Variants in PLXNA2 observed in about 807,000 individuals in gnomAD.
PLXNA2 encodes plexin-A2.
PLXNA2 carries 91 observed loss-of-function variants against 193.5 expected under a neutral mutation model. The ratio of observed to expected loss-of-function variants is 0.47; its 90% CI spans 0.40 to 0.56. The LOEUF is 0.56. Ranked by LOEUF, PLXNA2 falls within the 20% of genes least tolerant of loss-of-function variation. The pLI is 0.00. For missense variants in PLXNA2, 1,995 were observed against 2,503.2 expected (o/e 0.80, Z 4.33); for synonymous variants, 997 against 1,027.3 (o/e 0.97, Z 0.56).
intron 1 of PLXNA2, among the ~76,000 whole-genome samples, chr1:208,237,501 G>A (rs116018201): frequency 0.06 from 9,081 of 152,290 alleles, 352 homozygotes; most frequent in Middle Eastern, 0.095. Flanking sequence ...TGGAGTCCTT[G>A]CCGTAGGATA....
chr1:208,062,487 G>A (rs562131862), intron 12 of PLXNA2, among the ~76,000 whole-genome samples: 4 of 152,210 alleles, frequency 2.6e-5, no homozygotes, highest in Admixed American at 6.5e-5. Flanking sequence ...CTGCAGAGCC[G>A]GGACTTGAAC....
intron 3 of PLXNA2, among the ~76,000 whole-genome samples, chr1:208,194,488 A>AG (rs1291484046): frequency 6.6e-6 from 1 of 151,992 alleles, no homozygotes; most frequent in African/African-American, 2.4e-5. Context: ...AAAGAAAGAA[A>AG]AAAAAAACAT....
At chr1:208,226,395 A>G (rs1476342907) in intron 1 of PLXNA2, among the ~76,000 whole-genome samples, 3 of 151,666 alleles carry the variant, frequency 2.0e-5, no homozygotes, top group Non-Finnish European at 4.4e-5. Context: ...AGCCCTGGAA[A>G]CCACACCAGC....
At chr1:208,079,804 G>A (rs533663144) in intron 11 of PLXNA2, among the ~76,000 whole-genome samples, 1 of 150,178 alleles carries the variant, frequency 6.7e-6, no homozygotes, top group Admixed American at 6.6e-5. Flanking sequence ...TTTTTGTGAG[G>A]TTGGAATAAG....
At chr1:208,199,552 G>T (rs767073476) in intron 3 of PLXNA2, among the ~76,000 whole-genome samples, 3 of 152,090 alleles carry the variant, frequency 2.0e-5, no homozygotes, top group Non-Finnish European at 4.4e-5. Context: ...TTAACTGGGC[G>T]TGGTGGCATG....
At chr1:208,079,229 C>T in intron 12 of PLXNA2, 31 bp downstream of exon 12, 1 of 1,574,722 alleles carries the variant, frequency 6.4e-7, no homozygotes, top group East Asian at 2.3e-5. Flanking sequence ...CTTGGCCACC[C>T]CTTCCTGCTC....
intron 3 of PLXNA2, among the ~76,000 whole-genome samples, chr1:208,175,041 T>C (rs1287439600): frequency 6.6e-6 from 1 of 152,160 alleles, no homozygotes; most frequent in Non-Finnish European, 1.5e-5. Flanking sequence ...TGTTAGGACT[T>C]TGCACACTAG....
At chr1:208,174,925 C>T (rs1669615783) in intron 3 of PLXNA2, among the ~76,000 whole-genome samples, 2 of 152,180 alleles carry the variant, frequency 1.3e-5, no homozygotes, top group Admixed American at 1.3e-4. Flanking sequence ...CAAGGGAAAT[C>T]GGATTTGGCC....
At position 208,211,550 on chromosome 1, in the gene PLXNA2, A is replaced by G. The variant is rs372115776; in HGVS notation, c.1189-1088T>C. On this transcript the variant is annotated intron_variant, in intron 2 of 31. Coordinates refer to ENST00000367033, the MANE Select transcript of PLXNA2 (RefSeq NM_025179.4). ...CTACTAAAAATACAAAAAATTAGCC[A>G]GGCGTGGTGGTGTGTGCCTGTAGTC... 1.3e-4 allele frequency among the ~76,000 whole-genome samples: 20 copies of G among 152,122 alleles called. No homozygotes were observed. The South Asian group carries it at 2.3e-3, about 17-fold the overall frequency.
intron 28 of PLXNA2, chr1:208,032,141 C>A: frequency 1.0e-6 from 1 of 985,340 alleles, no homozygotes; most frequent in Non-Finnish European, 1.2e-6. Flanking sequence ...GGACTGGGTG[C>A]CTCCTGGCAG....
chr1:208,083,916 G>C (rs1161783141), intron 10 of PLXNA2, among the ~76,000 whole-genome samples: 2 of 151,990 alleles, frequency 1.3e-5, no homozygotes, highest in East Asian at 3.9e-4. Context: ...CCCTGAATGG[G>C]GATGTGGAAT....
rs137890658 is a variant in PLXNA2 at position 208,059,652 on chromosome 1, C to T, written c.2738+1034G>A. 2.6e-5 allele frequency among the ~76,000 whole-genome samples: 4 copies of T among 152,322 alleles called. No homozygotes were observed. The East Asian group carries it at 5.8e-4, about 22-fold the overall frequency. On this transcript the variant is annotated intron_variant, in intron 13 of 31. Transcript: ENST00000367033. ...TCTAATTCTGCCTCAGCCACTTATG[C>T]CCTGAATGAACTGGGGAAAGTCATT...
chr1:208,089,912 CT>C (rs1666654860), intron 9 of PLXNA2, among the ~76,000 whole-genome samples: 1 of 152,154 alleles, frequency 6.6e-6, no homozygotes, highest in Admixed American at 6.5e-5. Flanking sequence ...TAAGGGAAAC[CT>C]TACCCAAGTT....
intron 1 of PLXNA2, among the ~76,000 whole-genome samples, chr1:208,222,415 AAG>A (rs150037374): frequency 0.013 from 2,025 of 152,302 alleles, 50 homozygotes; most frequent in African/African-American, 0.047. Flanking sequence ...TCGCCTGAAC[AAG>A]AGAGTCTCCC....
intron 27 of PLXNA2, 146 bp from the exon 28 acceptor site, chr1:208,033,655 G>A (rs770474004): frequency 5.2e-6 from 3 of 573,380 alleles, no homozygotes; most frequent in Non-Finnish European, 8.6e-6. Context: ...CTCATATATG[G>A]TAGGTTATTT....
intron 4 of PLXNA2, among the ~76,000 whole-genome samples, chr1:208,112,297 A>G (rs1230854802): frequency 6.6e-6 from 1 of 152,226 alleles, no homozygotes; most frequent in Non-Finnish European, 1.5e-5. Flanking sequence ...ACCTGTTTTC[A>G]GGTAGAGGCC....
At chr1:208,117,977 C>T (rs34000703) in intron 4 of PLXNA2, among the ~76,000 whole-genome samples, 8 of 152,292 alleles carry the variant, frequency 5.3e-5, no homozygotes, top group Non-Finnish European at 1.0e-4. Context: ...TGCAGAGAAG[C>T]TATGCCACCT....
At chr1:208,145,874 T>C (rs1047014716) in intron 3 of PLXNA2, among the ~76,000 whole-genome samples, 1 of 152,204 alleles carries the variant, frequency 6.6e-6, no homozygotes, top group Non-Finnish European at 1.5e-5. Flanking sequence ...ATGTTGTTGG[T>C]ACTGAACCCG....
intron 21 of PLXNA2, among the ~76,000 whole-genome samples, 183 bp downstream of exon 21, chr1:208,042,878 G>A (rs1219624996): frequency 6.6e-6 from 1 of 152,186 alleles, no homozygotes; most frequent in Admixed American, 6.5e-5. Flanking sequence ...ACCATCCCAA[G>A]GAGCCTGGGT....
Sources: allele counts gnomAD v4.1 joint callset (sites outside exome capture counted in the v4.1 genomes callset), GRCh38; gene constraint gnomAD v4.1.1; transcripts MANE v1.5; gene names NCBI Gene and HGNC (gene_info 2026-07-23, HGNC 2026-07-21).